FBXL7: variants seen among roughly 807,000 people sequenced by gnomAD.
The protein encoded by FBXL7 is F-box and leucine rich repeat protein 7.
Under a neutral mutation model 38.3 loss-of-function variants are expected in FBXL7, and 12 were observed. That is an observed-to-expected ratio of 0.31 (90% CI 0.20 to 0.51). FBXL7 has a LOEUF of 0.51. FBXL7 is among the 20% of genes least tolerant of loss of function. The pLI is 0.98. For synonymous variants in FBXL7, 297 were observed against 300.9 expected, an observed-to-expected ratio of 0.99 and a Z score of 0.13; for missense variants, 567 against 676.4, an observed-to-expected ratio of 0.84 and a Z score of 1.79.
rs574265571 is a variant in FBXL7 at position 15,695,322 on chromosome 5, C to T, written c.127+79250C>T. Reference sequence around the variant, plus strand: ...AAGGATGGAAGGAAATAGAAGCCAGCAGGCGTCCAGGGCCTCAGGAGGGGA... The same window carrying T: ...AAGGATGGAAGGAAATAGAAGCCAGTAGGCGTCCAGGGCCTCAGGAGGGGA... On this transcript the variant is annotated intron_variant, in intron 2 of 3. Transcript: ENST00000504595. Among the ~76,000 whole-genome samples, 19 of 152,118 alleles carry T rather than the reference C, an allele frequency of 1.2e-4. No homozygotes were observed. The South Asian group carries it at 4.0e-3, about 32-fold the overall frequency.
At chr5:15,687,300 T>A (rs949203713) in intron 2 of FBXL7, among the ~76,000 whole-genome samples, 2 of 152,256 alleles carry the variant, frequency 1.3e-5, no homozygotes, top group Admixed American at 1.3e-4. Flanking sequence ...TTCAGACATC[T>A]GAGCTTAACT....
intron 2 of FBXL7, among the ~76,000 whole-genome samples, chr5:15,754,575 G>A (rs1041342826): frequency 1.3e-5 from 2 of 152,128 alleles, no homozygotes; most frequent in African/African-American, 4.8e-5. Flanking sequence ...GTTAGACACC[G>A]GGCAACCAAT....
intron 2 of FBXL7, among the ~76,000 whole-genome samples, chr5:15,638,975 T>C (rs1741273403): frequency 6.6e-6 from 1 of 152,224 alleles, no homozygotes; most frequent in African/African-American, 2.4e-5. Flanking sequence ...TGGAATTCTC[T>C]ACCTAGTCTG....
chr5:15,803,978 C>A (rs182643092), intron 2 of FBXL7, among the ~76,000 whole-genome samples: 1 of 152,282 alleles, frequency 6.6e-6, no homozygotes, highest in East Asian at 1.9e-4. Context: ...CAACCACATC[C>A]ATACAAGTGC....
chr5:15,563,600 C>T (rs1738479370), intron 1 of FBXL7, among the ~76,000 whole-genome samples: 1 of 152,054 alleles, frequency 6.6e-6, no homozygotes. Context: ...TGTCATCCCT[C>T]CTTCCTTCTC....
At chr5:15,657,353 A>C (rs577422364) in intron 2 of FBXL7, among the ~76,000 whole-genome samples, 1 of 152,316 alleles carries the variant, frequency 6.6e-6, no homozygotes, top group East Asian at 1.9e-4. Context: ...CTTGATGTTA[A>C]AATCTTATAT....
At chr5:15,871,249 C>T (rs1739949451) in intron 2 of FBXL7, among the ~76,000 whole-genome samples, 1 of 152,172 alleles carries the variant, frequency 6.6e-6, no homozygotes, top group African/African-American at 2.4e-5. Context: ...AAAGCAATAG[C>T]ATCAACATCA....
At chr5:15,925,825 A>C (rs1025817736) in intron 2 of FBXL7, among the ~76,000 whole-genome samples, 2 of 152,200 alleles carry the variant, frequency 1.3e-5, no homozygotes, top group African/African-American at 4.8e-5. Flanking sequence ...CTATGGCTTA[A>C]ATACAATTTT....
At chr5:15,524,860 A>AG (rs1204208503) in intron 1 of FBXL7, among the ~76,000 whole-genome samples, 1 of 152,138 alleles carries the variant, frequency 6.6e-6, no homozygotes, top group Admixed American at 6.5e-5. Flanking sequence ...TGAAGGAACA[A>AG]GGAGTGGCCT....
In FBXL7 at chr5:15,717,271, C is replaced by A. The variant is rs113886780; in HGVS notation, c.127+101199C>A. ...TTTTTCTGGGTCCCTGAGTCCCCTG[C>A]TGCTCCTATGGCGATGTCTCCTAGG... On this transcript the variant is annotated intron_variant, in intron 2 of 3. Coordinates refer to ENST00000504595, the MANE Select transcript of FBXL7 (RefSeq NM_012304.5). 1.7e-3 allele frequency among the ~76,000 whole-genome samples: 263 copies of A among 152,302 alleles called. 1 individual carries two copies. Among genetic ancestry groups the A allele is most frequent in the African/African-American group, 6.2e-3 (258 of 41,568 alleles).
chr5:15,684,649 G>A (rs565763235), intron 2 of FBXL7, among the ~76,000 whole-genome samples: 1 of 152,284 alleles, frequency 6.6e-6, no homozygotes, highest in African/African-American at 2.4e-5. Context: ...TAAGAGCAAA[G>A]GAGAAGAGTC....
rs751852911 is a variant in FBXL7, at chr5:15,936,650, G to A, written c.940G>A (p.Glu314Lys). ...GCGCCGCTGCGTCCGCCTGACCGAC[G>A]AAGGCCTGCGCTACCTGGTGATCTA... The part of the protein sequence containing the change: ...YLRRCVRLTD[E>K]GLRYLVIYCA... Residue 314 changes from glutamate to lysine, a missense_variant, in exon 4 of 4, where the codon GAA becomes AAA. Glu to Lys is a moderately conservative substitution (Grantham distance 56). Coordinates refer to ENST00000504595, the MANE Select transcript of FBXL7 (RefSeq NM_012304.5). The surrounding 1 kb of genome is among the most constrained non-coding windows in gnomAD (Gnocchi z 6.0). 3 of 1,608,512 alleles carry A rather than the reference G, an allele frequency of 1.9e-6. No homozygotes were observed. The highest frequency in any genetic ancestry group is 2.2e-5 in the East Asian group (1 of 44,862).
chr5:15,825,235 A>G (rs1415879627), intron 2 of FBXL7, among the ~76,000 whole-genome samples: 4 of 152,190 alleles, frequency 2.6e-5, no homozygotes, highest in Non-Finnish European at 5.9e-5. Context: ...GGCTTCTGAC[A>G]GAAGTAAATG....
intron 1 of FBXL7, among the ~76,000 whole-genome samples, chr5:15,597,556 T>C (rs1739660208): frequency 6.6e-6 from 1 of 150,752 alleles, no homozygotes; most frequent in South Asian, 2.1e-4. Context: ...TTCAACGAGT[T>C]GAAGGCCTAC....
intron 2 of FBXL7, among the ~76,000 whole-genome samples, chr5:15,831,043 G>A (rs75491735): frequency 7.0e-4 from 107 of 152,230 alleles, no homozygotes; most frequent in Middle Eastern, 3.4e-3. Flanking sequence ...ACCCAATGGC[G>A]TCCTTATCAT....
intron 2 of FBXL7, among the ~76,000 whole-genome samples, chr5:15,843,199 CT>C (rs1190980056): frequency 6.6e-6 from 1 of 152,112 alleles, no homozygotes; most frequent in Non-Finnish European, 1.5e-5. Flanking sequence ...AGCATATAAG[CT>C]TTTGCCTTTG....
At chr5:15,803,844 G>A (rs981316562) in intron 2 of FBXL7, among the ~76,000 whole-genome samples, 3 of 152,116 alleles carry the variant, frequency 2.0e-5, no homozygotes, top group East Asian at 1.9e-4. Flanking sequence ...CAGGCACTCC[G>A]GTAGATGTGT....
At position 15,890,643 on chromosome 5, in the gene FBXL7, A is replaced by G. The variant is rs111503767; in HGVS notation, c.128-37247A>G. On this transcript the variant is annotated intron_variant, in intron 2 of 3. Coordinates refer to ENST00000504595, the MANE Select transcript of FBXL7 (RefSeq NM_012304.5). ...AGACTCTAATTCCTGATGATCTGAGATGGAAAAGTTTCATCCTGAAACCAT... is the reference window on the plus strand; with the variant it reads ...AGACTCTAATTCCTGATGATCTGAGGTGGAAAAGTTTCATCCTGAAACCAT... Among the ~76,000 whole-genome samples the G allele has an allele frequency of 6.9e-3, 1,054 of 152,244 alleles. 20 individuals are homozygous for G. Among genetic ancestry groups the G allele is most frequent in the African/African-American group, 0.024 (1,003 of 41,542 alleles).
At chr5:15,645,395 T>A (rs1438497134) in intron 2 of FBXL7, among the ~76,000 whole-genome samples, 1 of 152,194 alleles carries the variant, frequency 6.6e-6, no homozygotes, top group Non-Finnish European at 1.5e-5. Context: ...AATGTGCCTG[T>A]TCTTCTCTCA....
Sources: gnomAD v4.1 joint callset for allele counts (sites outside exome capture counted in the v4.1 genomes callset) on GRCh38, gnomAD v4.1.1 for gene constraint, Gnocchi (gnomAD v3.1) non-coding constraint, MANE v1.5 for transcripts, NCBI Gene and HGNC (gene_info 2026-07-23, HGNC 2026-07-21) for gene names.